The following PTPN23 variants were observed in gnomAD, a reference collection of about 807,000 sequenced individuals.
PTPN23 encodes protein tyrosine phosphatase non-receptor type 23.
In PTPN23, 72 loss-of-function variants were observed where a neutral mutation model predicts 156.3. The ratio of observed to expected loss-of-function variants is 0.46; its 90% CI spans 0.38 to 0.56. The LOEUF is 0.56. Among genes scored for constraint, PTPN23 ranks in the 20% least tolerant of loss-of-function variants. The pLI is 0.00. For synonymous variants in PTPN23, 957 were observed against 899.6 expected (o/e 1.06, Z -1.14); for missense variants, 1,974 against 2,171.5 (o/e 0.91, Z 1.81).
rs756448288 is a variant in PTPN23 at position 47,411,117 on chromosome 3, C to A, written c.3319C>A (p.Pro1107Thr). ...VPPRPPAAEPPPCLRRGAAAA... is the reference protein window; with the variant it reads ...VPPRPPAAEPTPCLRRGAAAA... ...CCCTCGCCCCCCAGCAGCAGAACCA[C>A]CCCCTTGCCTGCGCCGAGGCGCCGC... is the stretch of plus-strand genomic sequence containing the variant. Residue 1107 changes from proline (P) to threonine (T), a missense_variant, in exon 20 of 25, where the codon CCC becomes ACC. Pro to Thr is a conservative substitution (Grantham distance 38). Coordinates refer to ENST00000265562, the MANE Select transcript of PTPN23 (RefSeq NM_015466.4). This position sits in a 1 kb window ranked among gnomAD's most constrained non-coding sequence, Gnocchi z 6.3. The A allele has an allele frequency of 1.2e-6, 2 of 1,603,896 alleles. No homozygotes were observed. The highest frequency in any genetic ancestry group is 8.5e-7 in the Non-Finnish European group (1 of 1,176,440).
rs1003495914 is a variant in PTPN23 at position 47,409,231 on chromosome 3, G to T, written c.1711G>T (p.Val571Leu). The change falls in exon 17 of 25, where the codon GTG becomes TTG. Residue 571 changes from valine to leucine, a missense_variant. This residue lies in a region of PTPN23 where 726 missense variants were observed against 929.5 expected (regional missense o/e 0.78). Transcript: ENST00000265562. ...AKVQEMRDQR[V>L]SLEQQLRELI... ...GGTGCAGGAGATGCGGGACCAGCGC[G>T]TGTCCCTGGAGCAGCAGCTGCGTGA... 7.4e-6 allele frequency: 12 copies of T among 1,614,068 alleles called. No homozygotes were observed. In the African/African-American group the frequency reaches 1.1e-4, roughly 14 times the overall value.
intron 2 of PTPN23, among the ~76,000 whole-genome samples, chr3:47,397,575 T>TG (rs1307637176): frequency 2.6e-5 from 4 of 152,196 alleles, no homozygotes; most frequent in Non-Finnish European, 4.4e-5. Flanking sequence ...TACCAATCCT[T>TG]GCAATAACCC....
chr3:47,406,289 G>A lies in PTPN23; in HGVS notation c.547-36G>A, dbSNP rs1576225017. The A allele has an allele frequency of 1.9e-6, 3 of 1,610,558 alleles. No individual in the cohort carries two copies. Among genetic ancestry groups the A allele is most frequent in the Admixed American group, 3.3e-5 (2 of 59,928 alleles). Reference sequence around the variant, plus strand: ...AGGGAAGGGGAAGCGGGAGGCCTTGGGTGAGCGAGGGAGTGCACCTCACGT... The same window carrying A: ...AGGGAAGGGGAAGCGGGAGGCCTTGAGTGAGCGAGGGAGTGCACCTCACGT... On this transcript the variant is annotated intron_variant, in intron 6 of 24. Transcript: ENST00000265562. The surrounding 1 kb of genome is among the most constrained non-coding windows in gnomAD (Gnocchi z 5.8).
chr3:47,411,719 G>A lies in PTPN23; in HGVS notation c.3888+33G>A. 1 of 1,595,166 alleles carries A rather than the reference G, an allele frequency of 6.3e-7. No homozygotes were observed. Among genetic ancestry groups the A allele is most frequent in the Non-Finnish European group, 8.6e-7 (1 of 1,167,144 alleles). On this transcript the variant is annotated intron_variant, in intron 20 of 24. Transcript: ENST00000265562. This position sits in a 1 kb window ranked among gnomAD's most constrained non-coding sequence, Gnocchi z 6.3. Reference sequence around the variant, plus strand: ...GAGGGGGTGGGTGCCCACGAGGGCAGTGTGGGGTGGCAGGGCAGGGGATCC... The same window carrying A: ...GAGGGGGTGGGTGCCCACGAGGGCAATGTGGGGTGGCAGGGCAGGGGATCC...
rs763538483 is a variant in PTPN23, at chr3:47,406,643, G to T, written c.759+31G>T. On this transcript the variant is annotated intron_variant, in intron 8 of 24. Coordinates refer to ENST00000265562, the MANE Select transcript of PTPN23 (RefSeq NM_015466.4). This position sits in a 1 kb window ranked among gnomAD's most constrained non-coding sequence, Gnocchi z 5.8. ...GGCCTGGGGCCCCAGGGCGGGGCAG[G>T]GCGGGGCTGAGTGGCCACAGCTCAG... The T allele has an allele frequency of 4.3e-6, 7 of 1,613,864 alleles. No homozygotes were observed. Among genetic ancestry groups the T allele is most frequent in the Admixed American group, 3.3e-5 (2 of 60,002 alleles).
At position 47,411,027 on chromosome 3, in the gene PTPN23, C is replaced by T; in HGVS notation, c.3229C>T (p.Gln1077Ter). The T allele has an allele frequency of 6.3e-7, 1 of 1,591,122 alleles. No homozygotes were observed. The highest frequency in any genetic ancestry group is 8.6e-7 in the Non-Finnish European group (1 of 1,169,076). ...CATTCGAGGGCCCTCGTCTGCTGGC[C>T]AGTCCACCCCTAGTCCCCACCTGGT... is the stretch of plus-strand genomic sequence containing the variant. The part of the protein sequence containing the change: ...LTIRGPSSAG[Q>*]STPSPHLVPS... Residue 1077 changes from glutamine (Q) to a stop codon, truncating the protein, a stop_gained, in exon 20 of 25, where the codon CAG becomes TAG. Transcript: ENST00000265562. LOFTEE classifies it high-confidence loss of function. This position sits in a 1 kb window ranked among gnomAD's most constrained non-coding sequence, Gnocchi z 6.3.
Position 47,393,737 on chromosome 3 carries a change from G to A in PTPN23, c.85-2406G>A, listed in dbSNP as rs541281901. Among the ~76,000 whole-genome samples the A allele has an allele frequency of 2.6e-5, 4 of 151,576 alleles. No homozygotes were observed. The East Asian group carries it at 5.8e-4, about 22-fold the overall frequency. On this transcript the variant is annotated intron_variant, in intron 1 of 24. Coordinates refer to ENST00000265562, the MANE Select transcript of PTPN23 (RefSeq NM_015466.4). Reference sequence around the variant, plus strand: ...CTCATATTGCATTTAGTTGTGTTCTGTCCCTTTAATCACTTATTTATTTGT... The same window carrying A: ...CTCATATTGCATTTAGTTGTGTTCTATCCCTTTAATCACTTATTTATTTGT...
At position 47,411,533 on chromosome 3, in the gene PTPN23, T is replaced by C. The variant is rs1705289696; in HGVS notation, c.3735T>C (p.Asn1245=). Residue 1245 remains asparagine, a synonymous_variant, in exon 20 of 25, where the codon AAT becomes AAC. Transcript: ENST00000265562. The surrounding 1 kb of genome is among the most constrained non-coding windows in gnomAD (Gnocchi z 6.3). The stretch of plus-strand genomic sequence containing the variant: ...GCTCAGGCAAGGATGACTACATCAA[T>C]GCCAGCTGCGTGGAGGGGCTCTCCC... ...VLRSGKDDYI[N]ASCVEGLSPY... The C allele has an allele frequency of 6.2e-7, 1 of 1,612,942 alleles. No homozygotes were observed. Among genetic ancestry groups the C allele is most frequent in the Non-Finnish European group, 8.5e-7 (1 of 1,180,008 alleles).
rs1705364684 is a variant in PTPN23, at chr3:47,412,983, C to CG, written c.4713dup (p.Pro1572AlafsTer33). 7.4e-6 allele frequency: 12 copies of CG among 1,610,948 alleles called. No homozygotes were observed. The highest frequency in any genetic ancestry group is 9.3e-6 in the Non-Finnish European group (11 of 1,178,844). On this transcript the variant is annotated frameshift_variant, in exon 25 of 25. Transcript: ENST00000265562. LOFTEE classifies it high-confidence loss of function. ...CCGCCAGTGCCTGAAGCCCCCAGCT[C>CG]GGGGCCCCCCTCCTCCTCCCTGGAA...
At chr3:47,382,855 A>T (rs1016616256) in intron 1 of PTPN23, among the ~76,000 whole-genome samples, 5 of 150,386 alleles carry the variant, frequency 3.3e-5, no homozygotes, top group African/African-American at 9.8e-5. Flanking sequence ...CCCCTGCCTA[A>T]TTTTTTGTAT....
Position 47,404,203 on chromosome 3 carries a change from G to A in PTPN23, c.160-449G>A, listed in dbSNP as rs1468467653. Among the ~76,000 whole-genome samples, 4 of 152,200 alleles carry A rather than the reference G, an allele frequency of 2.6e-5. No homozygotes were observed. In the East Asian group the frequency reaches 7.7e-4, roughly 29 times the overall value. On this transcript the variant is annotated intron_variant, in intron 2 of 24. Transcript: ENST00000265562. ...TAATCCCAGCACTTTGAGAGGCTGA[G>A]GCGGGTGGATCACAAGGTCAAGTGT... is the stretch of plus-strand genomic sequence containing the variant.
chr3:47,398,711 C>G (rs1704930636), intron 2 of PTPN23, among the ~76,000 whole-genome samples: 1 of 152,116 alleles, frequency 6.6e-6, no homozygotes, highest in African/African-American at 2.4e-5. Flanking sequence ...ACTACAAGTG[C>G]ACACCACCGC....
Position 47,412,800 on chromosome 3 carries a change from C to T in PTPN23, c.4526C>T (p.Pro1509Leu). Reference sequence around the variant, plus strand: ...ACCATTGCCAAGCTCAGCATTCGGCCTCCTGGGGGGTTGGAGTCCCCGGTT... The same window carrying T: ...ACCATTGCCAAGCTCAGCATTCGGCTTCCTGGGGGGTTGGAGTCCCCGGTT... ...QATIAKLSIR[P>L]PGGLESPVAS... Residue 1509 changes from proline to leucine, a missense_variant, in exon 25 of 25, where the codon CCT becomes CTT. Coordinates refer to ENST00000265562, the MANE Select transcript of PTPN23 (RefSeq NM_015466.4). 4 of 1,613,562 alleles carry T rather than the reference C, an allele frequency of 2.5e-6. No individual in the cohort carries two copies. Among genetic ancestry groups the T allele is most frequent in the African/African-American group, 1.3e-5 (1 of 75,042 alleles).
chr3:47,399,682 GAGCCAGC>G (rs1704952552), intron 2 of PTPN23, among the ~76,000 whole-genome samples: 1 of 152,176 alleles, frequency 6.6e-6, no homozygotes, highest in South Asian at 2.1e-4. Context: ...AGAGAGCTGT[GAGCCAGC>G]AGCCTTCAGA....
chr3:47,407,699 G>GC lies in PTPN23; in HGVS notation c.1011dup (p.Val339GlyfsTer17). On this transcript the variant is annotated frameshift_variant, in exon 13 of 25. Transcript: ENST00000265562. LOFTEE classifies it high-confidence loss of function. This position sits in a 1 kb window ranked among gnomAD's most constrained non-coding sequence, Gnocchi z 4.0. Reference sequence around the variant, plus strand: ...CTCCACAATTCCCACCCCCCCAGGAGCCCCCTTGGTGAAGCCCTTGCCAGT... The same window carrying GC: ...CTCCACAATTCCCACCCCCCCAGGAGCCCCCCTTGGTGAAGCCCTTGCCAGT... 1 of 1,612,822 alleles carries GC rather than the reference G, an allele frequency of 6.2e-7. No individual in the cohort carries two copies. The highest frequency in any genetic ancestry group is 8.5e-7 in the Non-Finnish European group (1 of 1,178,920).
At position 47,406,414 on chromosome 3, in the gene PTPN23, G is replaced by A. The variant is rs200661651; in HGVS notation, c.627+9G>A. The stretch of plus-strand genomic sequence containing the variant: ...CCCGCATCAGTGCACAGGTAGGGAC[G>A]GGGCTGAGGGGAGGCCTTCACTTTA... On this transcript the variant is annotated intron_variant, in intron 7 of 24. Coordinates refer to ENST00000265562, the MANE Select transcript of PTPN23 (RefSeq NM_015466.4). The surrounding 1 kb of genome is among the most constrained non-coding windows in gnomAD (Gnocchi z 5.8). 10 of 1,613,974 alleles carry A rather than the reference G, an allele frequency of 6.2e-6. No individual in the cohort carries two copies. The highest frequency in any genetic ancestry group is 4.4e-5 in the South Asian group (4 of 91,090).
Position 47,407,295 on chromosome 3 carries a change from C to A in PTPN23, c.865-14C>A. The A allele has an allele frequency of 6.2e-7, 1 of 1,613,826 alleles. No individual in the cohort carries two copies. The highest frequency in any genetic ancestry group is 1.1e-5 in the South Asian group (1 of 91,052). ...GTTAGTGCTAAGGCCCCACCCCTGTCCCTAACCCCACAGGGCCAGCCTGAC... is the reference window on the plus strand; with the variant it reads ...GTTAGTGCTAAGGCCCCACCCCTGTACCTAACCCCACAGGGCCAGCCTGAC... On this transcript the variant is annotated splice_polypyrimidine_tract_variant and intron_variant, in intron 10 of 24. Transcript: ENST00000265562. The surrounding 1 kb of genome is among the most constrained non-coding windows in gnomAD (Gnocchi z 4.0).
Position 47,406,631 on chromosome 3 carries a change from A to C in PTPN23, c.759+19A>C. The C allele has an allele frequency of 6.2e-7, 1 of 1,613,624 alleles. No homozygotes were observed. Among genetic ancestry groups the C allele is most frequent in the Non-Finnish European group, 8.5e-7 (1 of 1,179,880 alleles). Reference sequence around the variant, plus strand: ...GGCTCATGTGAGGGCCTGGGGCCCCAGGGCGGGGCAGGGCGGGGCTGAGTG... The same window carrying C: ...GGCTCATGTGAGGGCCTGGGGCCCCCGGGCGGGGCAGGGCGGGGCTGAGTG... On this transcript the variant is annotated intron_variant, in intron 8 of 24. Coordinates refer to ENST00000265562, the MANE Select transcript of PTPN23 (RefSeq NM_015466.4). The surrounding 1 kb of genome is among the most constrained non-coding windows in gnomAD (Gnocchi z 5.8).
chr3:47,412,730 G>C lies in PTPN23; in HGVS notation c.4456G>C (p.Asp1486His), dbSNP rs957068189. Residue 1486 changes from aspartate (D) to histidine (H), a missense_variant, in exon 25 of 25, where the codon GAC (aspartate) becomes CAC (histidine). Physicochemically the swap from Asp to His is moderately conservative, Grantham distance 81 (BLOSUM62 -1). Around this residue, in one of 4 missense-constraint regions of PTPN23, gnomAD observed 484 missense variants for 516.0 expected, o/e 0.94. Transcript: ENST00000265562. ...GAACCACCTTCCTCAGGACTCCCAGGACCTGGTCCTCGGTGGGGATGTGCC... is the reference window on the plus strand; with the variant it reads ...GAACCACCTTCCTCAGGACTCCCAGCACCTGGTCCTCGGTGGGGATGTGCC... ...QKNHLPQDSQ[D>H]LVLGGDVPIS... 78 of 1,601,950 alleles carry C rather than the reference G, an allele frequency of 4.9e-5. No homozygotes were observed. Among genetic ancestry groups the C allele is most frequent in the Non-Finnish European group, 6.3e-5 (74 of 1,171,972 alleles).
Sources: allele counts gnomAD v4.1 joint callset (sites outside exome capture counted in the v4.1 genomes callset), GRCh38; gene constraint gnomAD v4.1.1; regional missense constraint gnomAD v4.1.1; non-coding constraint Gnocchi (gnomAD v3.1); transcripts MANE v1.5; gene names NCBI Gene and HGNC (gene_info 2026-07-23, HGNC 2026-07-21).